Variants in ASTN2 observed in about 807,000 individuals in gnomAD.
ASTN2 encodes the protein astrotactin-2.
ASTN2 carries 54 observed loss-of-function variants against 139.8 expected under a neutral mutation model. The observed-to-expected ratio is 0.39, with a 90% CI of 0.31 to 0.48. The LOEUF is 0.48. Ranked by LOEUF, ASTN2 falls within the 20% of genes least tolerant of loss-of-function variation. ASTN2 has a pLI of 0.95. For synonymous variants in ASTN2, 756 were observed against 719.5 expected (o/e 1.05, Z -0.81); for missense variants, 1,565 against 1,725.1 (o/e 0.91, Z 1.64).
At chr9:116,471,026 TTTTC>T (rs1191932621) in intron 20 of ASTN2, among the ~76,000 whole-genome samples, 1 of 152,204 alleles carries the variant, frequency 6.6e-6, no homozygotes, top group Admixed American at 6.5e-5. Context: ...TTCCTCTCCT[TTTTC>T]TTTTTTAAAA....
intron 1 of ASTN2, among the ~76,000 whole-genome samples, chr9:117,402,693 A>C (rs1206107791): frequency 1.3e-5 from 2 of 152,232 alleles, no homozygotes; most frequent in Non-Finnish European, 2.9e-5. Flanking sequence ...TATACTAAAC[A>C]AGTATTCATT....
intron 10 of ASTN2, among the ~76,000 whole-genome samples, chr9:116,892,804 A>G (rs1424614340): frequency 6.6e-6 from 1 of 152,158 alleles, no homozygotes; most frequent in Non-Finnish European, 1.5e-5. Flanking sequence ...ACTGCCTAAT[A>G]TGAGGACTGT....
chr9:116,951,337 CAAAAAAAAAAAAAAAA>C (rs386416039), intron 10 of ASTN2, among the ~76,000 whole-genome samples: 3 of 34,060 alleles, frequency 8.8e-5, no homozygotes, highest in Admixed American at 5.1e-4. Flanking sequence ...AACTCTGTCT[CAAAAAAAAAAAAAAAA>C]AAAAAAAAAA....
chr9:116,673,140 T>C (rs1223475075), intron 16 of ASTN2, among the ~76,000 whole-genome samples: 3 of 152,214 alleles, frequency 2.0e-5, no homozygotes, highest in African/African-American at 7.2e-5. Flanking sequence ...TGGAATCATC[T>C]AGAGGGTATT....
chr9:116,835,121 T>C (rs1028042815), intron 11 of ASTN2, among the ~76,000 whole-genome samples: 2 of 152,206 alleles, frequency 1.3e-5, no homozygotes, highest in Non-Finnish European at 2.9e-5. Context: ...CATTACATTA[T>C]ATTATTATGT....
At chr9:117,146,608 G>A (rs1830203886) in intron 3 of ASTN2, among the ~76,000 whole-genome samples, 1 of 152,004 alleles carries the variant, frequency 6.6e-6, no homozygotes, top group Admixed American at 6.6e-5. Flanking sequence ...GACTAAAAAG[G>A]ACAGGCGAGG....
chr9:117,052,933 T>C (rs2132670950), intron 5 of ASTN2, among the ~76,000 whole-genome samples: 1 of 152,326 alleles, frequency 6.6e-6, no homozygotes, highest in Admixed American at 6.5e-5. Flanking sequence ...TTGGACTGGA[T>C]ATCATGCCAG....
chr9:117,177,512 A>T (rs2132938655), intron 3 of ASTN2, among the ~76,000 whole-genome samples: 1 of 152,282 alleles, frequency 6.6e-6, no homozygotes, highest in South Asian at 2.1e-4. Flanking sequence ...GTGTGACCAA[A>T]GCTATAGATT....
chr9:116,520,761 C>A (rs1009194203), intron 19 of ASTN2, among the ~76,000 whole-genome samples: 1 of 152,212 alleles, frequency 6.6e-6, no homozygotes, highest in Non-Finnish European at 1.5e-5. Context: ...TCTAAAGACT[C>A]ATCCAAAAAG....
intron 11 of ASTN2, among the ~76,000 whole-genome samples, chr9:116,846,831 C>G (rs1000368399): frequency 3.3e-5 from 5 of 152,036 alleles, no homozygotes; most frequent in East Asian, 1.9e-4. Context: ...AGCACCTGCT[C>G]TAGTGCAAGT....
chr9:116,836,561 AG>A (rs1243862547), intron 11 of ASTN2, among the ~76,000 whole-genome samples: 1 of 148,926 alleles, frequency 6.7e-6, no homozygotes, highest in Non-Finnish European at 1.5e-5. Flanking sequence ...TATTTTGGCT[AG>A]GGAGAGCAGT....
At position 116,538,444 on chromosome 9, in the gene ASTN2, CTT is replaced by C. The variant is rs1204385389; in HGVS notation, c.3356-50946_3356-50945del. Reference sequence around the variant, plus strand: ...ATCTTCAGGGATGTGTGGCCCATGACTTTGTATTTTAAAAACTTTCTTCAGGT... The same window carrying C: ...ATCTTCAGGGATGTGTGGCCCATGACTGTATTTTAAAAACTTTCTTCAGGT... On this transcript the variant is annotated intron_variant, in intron 19 of 22. Coordinates refer to ENST00000313400, the MANE Select transcript of ASTN2 (RefSeq NM_001365068.1). 3.3e-5 allele frequency among the ~76,000 whole-genome samples: 5 copies of C among 152,194 alleles called. No homozygotes were observed. The East Asian group carries it at 9.7e-4, about 30-fold the overall frequency.
At chr9:116,587,358 A>T (rs1854200983) in intron 19 of ASTN2, among the ~76,000 whole-genome samples, 1 of 151,262 alleles carries the variant, frequency 6.6e-6, no homozygotes, top group Admixed American at 6.6e-5. Context: ...AAAAAAAAAA[A>T]AAAAAAAAGC....
chr9:117,188,108 A>G (rs1371169245), intron 3 of ASTN2, among the ~76,000 whole-genome samples: 1 of 151,858 alleles, frequency 6.6e-6, no homozygotes, highest in Non-Finnish European at 1.5e-5. Flanking sequence ...ACAAAAAAAA[A>G]TGTCTTCAGA....
chr9:116,948,785 G>GTTTTTTTTTTTTTTTGTTTTT (rs1835472594), intron 10 of ASTN2, among the ~76,000 whole-genome samples: 1 of 49,472 alleles, frequency 2.0e-5, no homozygotes, highest in Non-Finnish European at 3.4e-5. Flanking sequence ...ATAATTTGGT[G>GTTTTTTTTTTTTTTTGTTTTT]TTTTTTTTTT....
chr9:117,060,649 T>G (rs529999967), intron 5 of ASTN2, among the ~76,000 whole-genome samples: 176 of 151,738 alleles, frequency 1.2e-3, no homozygotes, highest in African/African-American at 4.0e-3. Flanking sequence ...ATCTCAGCAC[T>G]TTGGGAGGCT....
At chr9:117,165,231 C>G (rs928641) in intron 3 of ASTN2, among the ~76,000 whole-genome samples, 1 of 151,906 alleles carries the variant, frequency 6.6e-6, no homozygotes, top group Admixed American at 6.6e-5. Flanking sequence ...AGTCTTTTGA[C>G]GAACACTTAC....
At chr9:116,845,058 AGGGTGCAAACAT>A (rs1196794230) in intron 11 of ASTN2, among the ~76,000 whole-genome samples, 1 of 152,230 alleles carries the variant, frequency 6.6e-6, no homozygotes, top group African/African-American at 2.4e-5. Context: ...TAGCAGAACC[AGGGTGCAAACAT>A]GGGGGCGTTT....
chr9:117,305,182 A>G (rs1466780402), intron 1 of ASTN2, among the ~76,000 whole-genome samples: 1 of 152,078 alleles, frequency 6.6e-6, no homozygotes. Flanking sequence ...TTGCTCTGTG[A>G]CCTTTGGTGA....
Sources: gnomAD v4.1 joint callset for allele counts (sites outside exome capture counted in the v4.1 genomes callset) on GRCh38, gnomAD v4.1.1 for gene constraint, MANE v1.5 for transcripts, NCBI Gene and HGNC (gene_info 2026-07-23, HGNC 2026-07-21) for gene names.